DISP1: variants seen among roughly 807,000 people sequenced by gnomAD.
DISP1 encodes the protein protein dispatched homolog 1.
In DISP1, 30 loss-of-function variants were observed where a neutral mutation model predicts 37.3. The observed-to-expected ratio is 0.80, with a 90% CI of 0.60 to 1.09. The LOEUF (loss-of-function observed/expected upper bound fraction) is 1.09. Ranked by LOEUF, DISP1 falls within the 50% of genes least tolerant of loss-of-function variation. The pLI is 0.00. For missense variants in DISP1, 1,598 were observed against 1,879.5 expected, an observed-to-expected ratio of 0.85 and a Z score of 2.77; for synonymous variants, 634 against 690.2, an observed-to-expected ratio of 0.92 and a Z score of 1.28.
intron 7 of DISP1, 66 bp from the exon 8 acceptor site, chr1:222,994,819 G>A: frequency 2.5e-6 from 3 of 1,182,976 alleles, no homozygotes; most frequent in Non-Finnish European, 3.7e-6. Context: ...TCCAAATCCT[G>A]AGTCTTATGA....
At chr1:222,873,227 G>C (rs1300232918) in intron 1 of DISP1, among the ~76,000 whole-genome samples, 1 of 152,146 alleles carries the variant, frequency 6.6e-6, no homozygotes, top group African/African-American at 2.4e-5. Context: ...GTGTGGTGTG[G>C]TGCTGAAAAG....
intron 3 of DISP1, among the ~76,000 whole-genome samples, chr1:222,974,753 G>A (rs1365735525): frequency 6.6e-6 from 1 of 152,180 alleles, no homozygotes; most frequent in Non-Finnish European, 1.5e-5. Context: ...GCCAAGCTTA[G>A]CTTGTCTGCA....
Position 222,908,234 on chromosome 1 carries a change from T to A in DISP1, c.-158-20196T>A, listed in dbSNP as rs934733215. ...ATGTTGATGATCTTAGAAGATAAAG[T>A]TATCAATCAAAGAGGTTGTGTGCCG... On this transcript the variant is annotated intron_variant, in intron 1 of 8. Coordinates refer to ENST00000675850, the MANE Select transcript of DISP1 (RefSeq NM_001377229.1). Among the ~76,000 whole-genome samples, 3 of 152,226 alleles carry A rather than the reference T, an allele frequency of 2.0e-5. No individual in the cohort carries two copies. In the East Asian group the frequency reaches 5.8e-4, roughly 29 times the overall value.
chr1:222,953,409 T>A (rs763901023), intron 3 of DISP1, among the ~76,000 whole-genome samples: 7 of 152,216 alleles, frequency 4.6e-5, no homozygotes, highest in Non-Finnish European at 7.3e-5. Flanking sequence ...AAAGACATGA[T>A]GTGTTCCTTT....
At position 222,856,320 on chromosome 1, in the gene DISP1, T is replaced by A. The variant is rs74766767; in HGVS notation, c.-159+41242T>A. ...CTGTGTTGCTGTCATTCATTACTAA[T>A]CCAGGTATGAGTGCTTACTGTTTTT... On this transcript the variant is annotated intron_variant, in intron 1 of 8. Coordinates refer to ENST00000675850, the MANE Select transcript of DISP1 (RefSeq NM_001377229.1). 3.3e-3 allele frequency among the ~76,000 whole-genome samples: 497 copies of A among 152,328 alleles called. 1 individual carries two copies. Among genetic ancestry groups the A allele is most frequent in the Non-Finnish European group, 5.2e-3 (351 of 68,024 alleles).
intron 1 of DISP1, among the ~76,000 whole-genome samples, chr1:222,854,184 C>G (rs1346404988): frequency 6.6e-6 from 1 of 152,162 alleles, no homozygotes; most frequent in Non-Finnish European, 1.5e-5. Context: ...TCACAGATCT[C>G]TTAACAAGAC....
chr1:222,972,919 G>A (rs1677061829), intron 3 of DISP1, among the ~76,000 whole-genome samples: 1 of 152,146 alleles, frequency 6.6e-6, no homozygotes, highest in South Asian at 2.1e-4. Flanking sequence ...TCCCTGGGGA[G>A]GGGGTTGGAA....
At chr1:222,827,374 G>A (rs1468170365) in intron 1 of DISP1, 3 of 152,112 alleles carry the variant, frequency 2.0e-5, no homozygotes. Flanking sequence ...GTAGGGGCAT[G>A]GATCATCCAT....
At chr1:222,840,522 G>A (rs537913896) in intron 1 of DISP1, among the ~76,000 whole-genome samples, 7 of 149,418 alleles carry the variant, frequency 4.7e-5, no homozygotes, top group Non-Finnish European at 7.4e-5. Context: ...GATTACAGGC[G>A]TGAGCCACCA....
intron 3 of DISP1, among the ~76,000 whole-genome samples, chr1:222,952,577 C>T (rs1250019556): frequency 2.6e-5 from 4 of 152,122 alleles, no homozygotes; most frequent in South Asian, 2.1e-4. Context: ...GACAGCTGTG[C>T]GCAGTGGCTC....
Position 222,974,016 on chromosome 1 carries a change from C to A in DISP1, c.510-9064C>A, listed in dbSNP as rs575140375. Among the ~76,000 whole-genome samples the A allele has an allele frequency of 6.8e-4, 104 of 152,148 alleles. 1 individual carries two copies. The highest frequency in any genetic ancestry group is 1.4e-3 in the Non-Finnish European group (97 of 67,998). Reference sequence around the variant, plus strand: ...ATTAGGCTTGTGGGTGTGACAACATCGATTGTTATGTCATATTCAGCTAGT... The same window carrying A: ...ATTAGGCTTGTGGGTGTGACAACATAGATTGTTATGTCATATTCAGCTAGT... On this transcript the variant is annotated intron_variant, in intron 3 of 8. Coordinates refer to ENST00000675850, the MANE Select transcript of DISP1 (RefSeq NM_001377229.1).
At position 223,002,720 on chromosome 1, in the gene DISP1, G is replaced by A. The variant is rs764941613; in HGVS notation, c.1323G>A (p.Thr441=). Residue 441 remains threonine, a synonymous_variant, in exon 9 of 9, where the codon ACG becomes ACA. Transcript: ENST00000675850. Reference sequence around the variant, plus strand: ...ACAAAGACTTTATGACCCCAAAGACGGCTGACTATGCCACGCCAGCTTTAA... The same window carrying A: ...ACAAAGACTTTATGACCCCAAAGACAGCTGACTATGCCACGCCAGCTTTAA... The part of the protein sequence containing the change: ...LVDKDFMTPK[T]ADYATPALKY... 1.3e-5 allele frequency: 21 copies of A among 1,614,028 alleles called. No individual in the cohort carries two copies. Among genetic ancestry groups the A allele is most frequent in the South Asian group, 6.6e-5 (6 of 91,072 alleles).
At chr1:222,958,476 T>C (rs1376819439) in intron 3 of DISP1, among the ~76,000 whole-genome samples, 1 of 152,198 alleles carries the variant, frequency 6.6e-6, no homozygotes, top group African/African-American at 2.4e-5. Context: ...ACTGGCATAT[T>C]CCTGTCATTT....
At chr1:222,854,945 T>G (rs1411139947) in intron 1 of DISP1, among the ~76,000 whole-genome samples, 2 of 152,018 alleles carry the variant, frequency 1.3e-5, no homozygotes, top group African/African-American at 4.8e-5. Context: ...CTGAATCATT[T>G]TCAAACTTGT....
chr1:222,873,061 A>C (rs1278943844), intron 1 of DISP1, among the ~76,000 whole-genome samples: 1 of 152,114 alleles, frequency 6.6e-6, no homozygotes, highest in Non-Finnish European at 1.5e-5. Flanking sequence ...CAGGTTGTTC[A>C]GTTTCCATGT....
At chr1:222,900,965 A>C (rs1267771050) in intron 1 of DISP1, among the ~76,000 whole-genome samples, 1 of 152,224 alleles carries the variant, frequency 6.6e-6, no homozygotes, top group African/African-American at 2.4e-5. Flanking sequence ...GGAATGATCC[A>C]ACAGAGAGGG....
chr1:222,974,488 TACAAGG>T (rs1295218358), intron 3 of DISP1, among the ~76,000 whole-genome samples: 1 of 152,254 alleles, frequency 6.6e-6, no homozygotes, highest in Non-Finnish European at 1.5e-5. Flanking sequence ...ACGTAGTATT[TACAAGG>T]TGCTCTTTAA....
At chr1:222,923,449 T>G (rs1243793096) in intron 1 of DISP1, among the ~76,000 whole-genome samples, 2 of 152,184 alleles carry the variant, frequency 1.3e-5, no homozygotes, top group African/African-American at 2.4e-5. Flanking sequence ...GCTACCTTAT[T>G]GGGGAGCAAA....
chr1:222,821,277 A>C (rs1376164436), intron 1 of DISP1, among the ~76,000 whole-genome samples: 1 of 152,226 alleles, frequency 6.6e-6, no homozygotes, highest in Non-Finnish European at 1.5e-5. Context: ...TTTCTATTTA[A>C]AGGGTTCTTC....
Sources: allele counts gnomAD v4.1 joint callset (sites outside exome capture counted in the v4.1 genomes callset), GRCh38; gene constraint gnomAD v4.1.1; transcripts MANE v1.5; gene names NCBI Gene and HGNC (gene_info 2026-07-23, HGNC 2026-07-21).